RERE: variants seen among roughly 807,000 people sequenced by gnomAD.
RERE encodes the protein arginine-glutamic acid dipeptide repeats protein.
RERE carries 40 observed loss-of-function variants against 146.1 expected under a neutral mutation model. That is an observed-to-expected ratio of 0.27 (90% CI 0.21 to 0.36). The LOEUF is 0.36. Ranked by LOEUF, RERE falls within the 10% of genes least tolerant of loss-of-function variation. RERE has a pLI of 1.00. For synonymous variants in RERE, 1,003 were observed against 866.0 expected (o/e 1.16, Z -2.78); for missense variants, 1,933 against 2,138.7 (o/e 0.90, Z 1.90).
Position 8,356,158 on chromosome 1 carries a change from G to T in RERE, c.4428C>A (p.Pro1476=). The part of the protein sequence containing the change: ...ARFPYPPGTL[P]NPLLGQPPHE... ...GTGGGGGCTGTCCAAGCAGAGGGTT[G>T]GGGAGAGTGCCAGGCGGGTAGGGGA... The change falls in exon 21 of 23, where the codon CCC becomes CCA. Residue 1476 remains proline, a synonymous_variant. Transcript: ENST00000400908. This position sits in a 1 kb window ranked among gnomAD's most constrained non-coding sequence, Gnocchi z 5.2. 6.6e-7 allele frequency: 1 copy of T among 1,521,016 alleles called. No homozygotes were observed. The highest frequency in any genetic ancestry group is 8.7e-7 in the Non-Finnish European group (1 of 1,143,008). 94.2% of individuals were successfully genotyped at this position (1,521,016 alleles called of 1,614,324 possible).
chr1:8,737,186 A>G (rs914087526), intron 1 of RERE, among the ~76,000 whole-genome samples: 6 of 152,180 alleles, frequency 3.9e-5, no homozygotes, highest in Non-Finnish European at 8.8e-5. Context: ...AAGGTCTTCA[A>G]TGAAAGCATG....
chr1:8,708,423 TTCA>T (rs1639599060), intron 1 of RERE, among the ~76,000 whole-genome samples: 2 of 151,958 alleles, frequency 1.3e-5, no homozygotes, highest in African/African-American at 4.8e-5. Flanking sequence ...ACCTCCCAGG[TTCA>T]AGCAATGCTC....
rs565847410 is a variant in RERE, at chr1:8,552,125, T to A, written c.725+4350A>T. ...ACTGCGAAGGGCTCAGATTTTCTTATAGGAAGAAACTCTGGTAGGAAAAAG... is the reference window on the plus strand; with the variant it reads ...ACTGCGAAGGGCTCAGATTTTCTTAAAGGAAGAAACTCTGGTAGGAAAAAG... On this transcript the variant is annotated intron_variant, in intron 6 of 22. Coordinates refer to ENST00000400908, the MANE Select transcript of RERE (RefSeq NM_001042681.2). 1.8e-4 allele frequency among the ~76,000 whole-genome samples: 27 copies of A among 152,346 alleles called. 1 individual carries two copies. The highest frequency in any genetic ancestry group is 6.3e-4 in the African/African-American group (26 of 41,586).
chr1:8,752,742 A>C (rs1640564260), intron 1 of RERE, among the ~76,000 whole-genome samples: 1 of 152,202 alleles, frequency 6.6e-6, no homozygotes, highest in Non-Finnish European at 1.5e-5. Context: ...AAATTAAAGG[A>C]AACTTACCAG....
At chr1:8,665,361 T>C (rs56305243) in intron 1 of RERE, among the ~76,000 whole-genome samples, 28,389 of 152,182 alleles carry the variant, frequency 0.19, 2,823 homozygotes, top group Middle Eastern at 0.26. Flanking sequence ...TTTTTGCCCT[T>C]TGCTGTATTT....
intron 1 of RERE, among the ~76,000 whole-genome samples, chr1:8,728,824 G>A (rs1230067880): frequency 1.3e-5 from 2 of 152,194 alleles, no homozygotes; most frequent in Non-Finnish European, 1.5e-5. Context: ...CACAGGCTCT[G>A]AAACAGCAGC....
At chr1:8,638,783 A>ATTTTTTTTTTTTT (rs34276909) in intron 2 of RERE, among the ~76,000 whole-genome samples, 10 of 100,336 alleles carry the variant, frequency 1.0e-4, no homozygotes, top group African/African-American at 3.8e-4. Context: ...ACGAAAAAAA[A>ATTTTTTTTTTTTT]TTTTTTTTTT....
In RERE at chr1:8,358,971, T is replaced by TG. The variant is rs148633375; in HGVS notation, c.3619-56dup. ...CCCCCGAGCGCCTGGGGTCTCCGCT[T>TG]GGTCCACACTGCGGAGGTGGGCCTG... On this transcript the variant is annotated intron_variant, in intron 19 of 22. Transcript: ENST00000400908. The TG allele has an allele frequency of 5.1e-3, 7,606 of 1,493,142 alleles. 324 individuals carry two copies. The African/African-American group carries it at 0.094, about 19-fold the overall frequency. The allele number at this position is 1,493,142 out of a possible 1,614,324, so 92.5% of individuals were successfully genotyped here.
At chr1:8,640,750 G>A (rs1647165786) in intron 2 of RERE, among the ~76,000 whole-genome samples, 1 of 152,098 alleles carries the variant, frequency 6.6e-6, no homozygotes, top group East Asian at 1.9e-4. Context: ...CCATTTCCAG[G>A]CATTTAAGCA....
intron 6 of RERE, among the ~76,000 whole-genome samples, chr1:8,544,099 T>C (rs17386003): frequency 0.051 from 7,819 of 152,274 alleles, 281 homozygotes; most frequent in Middle Eastern, 0.086. Context: ...ACCATAATCA[T>C]AGTATTGGAA....
chr1:8,426,052 G>A (rs1298084618), intron 11 of RERE, among the ~76,000 whole-genome samples: 4 of 152,126 alleles, frequency 2.6e-5, no homozygotes, highest in Non-Finnish European at 5.9e-5. Context: ...GTAAAATGCA[G>A]GCAGGCGTCT....
At chr1:8,759,439 T>C (rs1198698113) in intron 1 of RERE, among the ~76,000 whole-genome samples, 1 of 152,170 alleles carries the variant, frequency 6.6e-6, no homozygotes, top group Non-Finnish European at 1.5e-5. Flanking sequence ...CCAATCAAAC[T>C]ATAGGTCACA....
At chr1:8,450,634 C>T (rs1644379771) in intron 11 of RERE, among the ~76,000 whole-genome samples, 1 of 152,134 alleles carries the variant, frequency 6.6e-6, no homozygotes. Context: ...AGCTTTCTCA[C>T]TTTCAGATCC....
chr1:8,521,615 T>G (rs1187721961), intron 7 of RERE, among the ~76,000 whole-genome samples: 1 of 152,232 alleles, frequency 6.6e-6, no homozygotes, highest in Non-Finnish European at 1.5e-5. Context: ...ACTTCCAAGT[T>G]GTTTTCATCT....
At chr1:8,571,569 AATTAT>A in intron 4 of RERE, among the ~76,000 whole-genome samples, 1 of 152,364 alleles carries the variant, frequency 6.6e-6, no homozygotes, top group South Asian at 2.1e-4. Context: ...AACACTAAAA[AATTAT>A]ATTTTCCTGG....
chr1:8,601,844 G>T lies in RERE; in HGVS notation c.522+12717C>A, dbSNP rs1646635701. Among the ~76,000 whole-genome samples, 4 of 151,938 alleles carry T rather than the reference G, an allele frequency of 2.6e-5. No individual in the cohort carries two copies. The South Asian group carries it at 8.3e-4, about 32-fold the overall frequency. On this transcript the variant is annotated intron_variant, in intron 4 of 22. Coordinates refer to ENST00000400908, the MANE Select transcript of RERE (RefSeq NM_001042681.2). ...AGGCATTTGACAGCTGCCTTTTTAG[G>T]TCCTTCTGCCTTTCCATCCAAACTA...
intron 2 of RERE, among the ~76,000 whole-genome samples, chr1:8,634,739 T>A (rs1647075478): frequency 6.6e-6 from 1 of 152,084 alleles, no homozygotes; most frequent in African/African-American, 2.4e-5. Flanking sequence ...GAATAAAGAT[T>A]TACTTATTTA....
At chr1:8,814,168 C>T (rs936664229) in intron 1 of RERE, among the ~76,000 whole-genome samples, 7 of 152,082 alleles carry the variant, frequency 4.6e-5, no homozygotes, top group Admixed American at 1.3e-4. Flanking sequence ...AGAGATTACT[C>T]TTGAAGTTTT....
chr1:8,579,666 A>C (rs1038177995), intron 4 of RERE, among the ~76,000 whole-genome samples: 1 of 152,232 alleles, frequency 6.6e-6, no homozygotes, highest in African/African-American at 2.4e-5. Context: ...ATGGTTCTTA[A>C]CTTTTGCTAC....
Sources: allele counts gnomAD v4.1 joint callset (sites outside exome capture counted in the v4.1 genomes callset), GRCh38; gene constraint gnomAD v4.1.1; non-coding constraint Gnocchi (gnomAD v3.1); transcripts MANE v1.5; gene names NCBI Gene and HGNC (gene_info 2026-07-23, HGNC 2026-07-21).